The following FAM163B variants were observed in gnomAD, a reference collection of about 807,000 sequenced individuals.
The protein encoded by FAM163B is protein FAM163B.
FAM163B carries 4 observed loss-of-function variants against 7.6 expected under a neutral mutation model. That is an observed-to-expected ratio of 0.52 (90% CI 0.26 to 1.20). The LOEUF (loss-of-function observed/expected upper bound fraction) is 1.20, where lower values mean the gene tolerates loss of function less well. Among genes scored for constraint, FAM163B ranks in the 50% most tolerant of loss-of-function variants. The probability of loss-of-function intolerance (pLI) is 0.14; values close to 1 mark genes in which losing one functional copy is unlikely to be tolerated. For missense variants in FAM163B, 250 were observed against 243.0 expected, an observed-to-expected ratio of 1.03 and a Z score of -0.19; for synonymous variants, 120 against 111.6, an observed-to-expected ratio of 1.07 and a Z score of -0.47.
chr9:133,592,235 A>T (rs913503883), intron 1 of FAM163B, among the ~76,000 whole-genome samples: 3 of 151,934 alleles, frequency 2.0e-5, no homozygotes, highest in African/African-American at 7.3e-5. Context: ...GGAACCAAGC[A>T]CCCTGGGAGG....
Position 133,578,214 on chromosome 9 carries a change from G to T in FAM163B, c.*808C>A, listed in dbSNP as rs1216289121. 6.6e-6 allele frequency among the ~76,000 whole-genome samples: 1 copy of T among 152,138 alleles called. No homozygotes were observed. The highest frequency in any genetic ancestry group is 1.5e-5 in the Non-Finnish European group (1 of 68,020). On this transcript the variant is annotated 3_prime_UTR_variant, in exon 3 of 3. Transcript: ENST00000673969. Reference sequence around the variant, plus strand: ...CCCCGGGCTGCCTCCGTTCACTGCCGCTTGCTGGCCCTGTTTCTGGCTGAG... The same window carrying T: ...CCCCGGGCTGCCTCCGTTCACTGCCTCTTGCTGGCCCTGTTTCTGGCTGAG...
Position 133,601,999 on chromosome 9 carries a change from G to A in FAM163B, c.-24+7078C>T, listed in dbSNP as rs745897053. On this transcript the variant is annotated intron_variant, in intron 1 of 2. Transcript: ENST00000673969. The surrounding 1 kb of genome is among the most constrained non-coding windows in gnomAD (Gnocchi z 4.1). The stretch of plus-strand genomic sequence containing the variant: ...GGGGCTGGCAGGGTCTGTCCTGGGT[G>A]GGGCTCCACGGGCCGCACCGGGGCT... Among the ~76,000 whole-genome samples, 2 of 152,318 alleles carry A rather than the reference G, an allele frequency of 1.3e-5. No homozygotes were observed. Among genetic ancestry groups the A allele is most frequent in the Middle Eastern group, 6.8e-3 (2 of 294 alleles).
chr9:133,589,321 G>A (rs1224126249), intron 1 of FAM163B, among the ~76,000 whole-genome samples: 1 of 152,194 alleles, frequency 6.6e-6, no homozygotes, highest in Non-Finnish European at 1.5e-5. Flanking sequence ...TCCTTCAATT[G>A]CCGGGACAGC....
rs752379167 is a variant in FAM163B, at chr9:133,579,012, C to T, written c.*10G>A. The T allele has an allele frequency of 2.1e-5, 31 of 1,494,766 alleles. No homozygotes were observed. The Admixed American group carries it at 2.6e-4, about 12-fold the overall frequency. 92.6% of individuals were successfully genotyped at this position (1,494,766 alleles called of 1,614,324 possible). On this transcript the variant is annotated 3_prime_UTR_variant, in exon 3 of 3. Coordinates refer to ENST00000673969, the MANE Select transcript of FAM163B (RefSeq NM_001080515.3). ...ACCTTCAAGGCCAGGATCCCGGGGG[C>T]GGGCCCAGGTCACACGTCGGTGCTG...
Position 133,609,385 on chromosome 9 carries a change from G to A in FAM163B, c.-332C>T, listed in dbSNP as rs959018707. 1.3e-5 allele frequency among the ~76,000 whole-genome samples: 2 copies of A among 149,706 alleles called. No individual in the cohort carries two copies. The highest frequency in any genetic ancestry group is 4.9e-5 in the African/African-American group (2 of 41,176). ...CAGCCTGGTCCCGAGCGCAGGGCGC[G>A]CGCTGGCGGGGAGGGCGCGCGCCCG... On this transcript the variant is annotated 5_prime_UTR_variant, in exon 1 of 3. Transcript: ENST00000673969.
At chr9:133,595,070 T>C (rs1831610744) in intron 1 of FAM163B, among the ~76,000 whole-genome samples, 1 of 152,160 alleles carries the variant, frequency 6.6e-6, no homozygotes, top group Admixed American at 6.5e-5. Flanking sequence ...CAAAACACTT[T>C]CCAGGTCAGT....
intron 1 of FAM163B, among the ~76,000 whole-genome samples, chr9:133,593,367 T>C (rs1398456265): frequency 6.6e-6 from 1 of 152,028 alleles, no homozygotes; most frequent in African/African-American, 2.4e-5. Flanking sequence ...GAGTCCAGCA[T>C]CTGTCCACCA....
chr9:133,587,613 A>T (rs1831460331), intron 1 of FAM163B, among the ~76,000 whole-genome samples: 1 of 152,126 alleles, frequency 6.6e-6, no homozygotes, highest in Admixed American at 6.5e-5. Flanking sequence ...AGGCTGGGTC[A>T]GGCGGAGCTG....
chr9:133,590,170 C>A (rs1588327691), intron 1 of FAM163B, among the ~76,000 whole-genome samples: 1 of 123,870 alleles, frequency 8.1e-6, no homozygotes, highest in African/African-American at 3.0e-5. Flanking sequence ...CCCTTCCCCT[C>A]CCCTTCTTTC....
At position 133,601,903 on chromosome 9, in the gene FAM163B, C is replaced by T. The variant is rs1379104345; in HGVS notation, c.-24+7174G>A. ...GGGAGGAGCCTCAGGGAGGAAGGGA[C>T]TCTGAGGGTTCGAGAAACAGGCAGT... is the stretch of plus-strand genomic sequence containing the variant. On this transcript the variant is annotated intron_variant, in intron 1 of 2. Coordinates refer to ENST00000673969, the MANE Select transcript of FAM163B (RefSeq NM_001080515.3). This position sits in a 1 kb window ranked among gnomAD's most constrained non-coding sequence, Gnocchi z 4.1. Among the ~76,000 whole-genome samples, 2 of 152,262 alleles carry T rather than the reference C, an allele frequency of 1.3e-5. No individual in the cohort carries two copies. The highest frequency in any genetic ancestry group is 1.5e-5 in the Non-Finnish European group (1 of 68,002).
At chr9:133,603,548 G>A (rs1831755555) in intron 1 of FAM163B, among the ~76,000 whole-genome samples, 1 of 152,236 alleles carries the variant, frequency 6.6e-6, no homozygotes, top group Admixed American at 6.5e-5. Context: ...CACCCGCAAA[G>A]GGAGAAGAGG....
At chr9:133,585,435 G>A (rs910403038) in intron 1 of FAM163B, among the ~76,000 whole-genome samples, 2 of 152,228 alleles carry the variant, frequency 1.3e-5, no homozygotes, top group Non-Finnish European at 2.9e-5. Context: ...CCACGGGAAC[G>A]GACCCCTCCA....
At chr9:133,583,557 TA>T (rs1361754527) in intron 1 of FAM163B, among the ~76,000 whole-genome samples, 2 of 152,212 alleles carry the variant, frequency 1.3e-5, no homozygotes, top group African/African-American at 4.8e-5. Context: ...GTGCTGATGT[TA>T]GGACCGTGTC....
intron 1 of FAM163B, among the ~76,000 whole-genome samples, chr9:133,604,667 T>G (rs1396621793): frequency 6.6e-6 from 1 of 151,884 alleles, no homozygotes; most frequent in Non-Finnish European, 1.5e-5. Flanking sequence ...GGGCGGTGAG[T>G]CTCAAACTCC....
chr9:133,597,527 AATCTCC>A (rs1831649491), intron 1 of FAM163B, among the ~76,000 whole-genome samples: 1 of 152,218 alleles, frequency 6.6e-6, no homozygotes, highest in African/African-American at 2.4e-5. Context: ...GTATAACTGG[AATCTCC>A]AAAGAAGTTG....
intron 1 of FAM163B, among the ~76,000 whole-genome samples, chr9:133,585,745 G>A (rs1831426287): frequency 6.6e-6 from 1 of 152,224 alleles, no homozygotes; most frequent in Non-Finnish European, 1.5e-5. Flanking sequence ...TTCACAAGCG[G>A]CCCCTCTAAC....
At chr9:133,592,123 C>A (rs776450190) in intron 1 of FAM163B, among the ~76,000 whole-genome samples, 1 of 152,164 alleles carries the variant, frequency 6.6e-6, no homozygotes, top group Non-Finnish European at 1.5e-5. Flanking sequence ...TCCAGCTCCA[C>A]GAGGGTGGGC....
rs909855269 is a variant in FAM163B at position 133,594,816 on chromosome 9, C to T, written c.-24+14261G>A. Among the ~76,000 whole-genome samples the T allele has an allele frequency of 3.9e-5, 6 of 151,948 alleles. No individual in the cohort carries two copies. The East Asian group carries it at 5.8e-4, about 15-fold the overall frequency. On this transcript the variant is annotated intron_variant, in intron 1 of 2. Coordinates refer to ENST00000673969, the MANE Select transcript of FAM163B (RefSeq NM_001080515.3). ...GATGCTGAAACCTGAGGATGAGTAG[C>T]GAGAAGATGGGAAAGAGCACCCTGG...
chr9:133,577,493 G>A lies in FAM163B; in HGVS notation c.*1529C>T, dbSNP rs1056947460. Among the ~76,000 whole-genome samples, 6 of 152,258 alleles carry A rather than the reference G, an allele frequency of 3.9e-5. No individual in the cohort carries two copies. The highest frequency in any genetic ancestry group is 2.1e-4 in the South Asian group (1 of 4,834). On this transcript the variant is annotated 3_prime_UTR_variant, in exon 3 of 3. Transcript: ENST00000673969. ...TGACTTCGTCAGCCGTTCCCCCGAC[G>A]CCTCTGGAAACTGGCCATTTCGTTT...
Sources: allele counts gnomAD v4.1 joint callset (sites outside exome capture counted in the v4.1 genomes callset), GRCh38; gene constraint gnomAD v4.1.1; non-coding constraint Gnocchi (gnomAD v3.1); transcripts MANE v1.5; gene names NCBI Gene and HGNC (gene_info 2026-07-23, HGNC 2026-07-21).